Variants in CACNA1C observed in about 807,000 individuals in gnomAD.
The protein encoded by CACNA1C is calcium voltage-gated channel subunit alpha1 C, also known as voltage-dependent L-type calcium channel subunit alpha-1C.
CACNA1C carries 30 observed loss-of-function variants against 229.0 expected under a neutral mutation model. The ratio of observed to expected loss-of-function variants is 0.13; its 90% confidence interval spans 0.10 to 0.18. The LOEUF is 0.18. Among genes scored for constraint, CACNA1C ranks in the 10% least tolerant of loss-of-function variants. The pLI, the probability that CACNA1C is intolerant of heterozygous loss-of-function variation, is 1.00. For synonymous variants in CACNA1C, 1,114 were observed against 1,132.5 expected (o/e 0.98, Z 0.33); for missense variants, 1,658 against 2,845.0 (o/e 0.58, Z 9.49).
Position 2,362,649 on chromosome 12 carries a change from G to T in CACNA1C, c.478-86327G>T, listed in dbSNP as rs1338083830. 2.0e-5 allele frequency among the ~76,000 whole-genome samples: 3 copies of T among 152,350 alleles called. No individual in the cohort carries two copies. In the East Asian group the frequency reaches 5.8e-4, roughly 29 times the overall value. Reference sequence around the variant, plus strand: ...TCGTTCCTTTAGTGTGGAAGGCACAGTAGGCACTCAGTGTTTTGATGGAGA... The same window carrying T: ...TCGTTCCTTTAGTGTGGAAGGCACATTAGGCACTCAGTGTTTTGATGGAGA... On this transcript the variant is annotated intron_variant, in intron 3 of 46. Transcript: ENST00000399655.
chr12:2,007,767 C>T (rs1487261291), intron 1 of CACNA1C, among the ~76,000 whole-genome samples: 1 of 152,118 alleles, frequency 6.6e-6, no homozygotes, highest in Non-Finnish European at 1.5e-5. Context: ...ATCTCTGTAC[C>T]TTTGCCCATC....
At chr12:2,463,004 C>T (rs1198613507) in intron 5 of CACNA1C, among the ~76,000 whole-genome samples, 3 of 149,018 alleles carry the variant, frequency 2.0e-5, no homozygotes, top group Non-Finnish European at 1.5e-5. Flanking sequence ...GCTCCGCCTC[C>T]TGGGTTCACG....
At chr12:2,458,522 T>G (rs1270159855) in intron 5 of CACNA1C, among the ~76,000 whole-genome samples, 2 of 152,248 alleles carry the variant, frequency 1.3e-5, no homozygotes, top group African/African-American at 4.8e-5. Context: ...TTGTGGTATC[T>G]GAGAACAATT....
chr12:2,671,302 C>T (rs1403838696), intron 38 of CACNA1C, among the ~76,000 whole-genome samples: 7 of 152,166 alleles, frequency 4.6e-5, no homozygotes, highest in African/African-American at 1.2e-4. Context: ...CATGAGCCAC[C>T]GCGCCCGGCC....
chr12:2,357,824 A>G (rs999148595), intron 3 of CACNA1C, among the ~76,000 whole-genome samples: 2 of 151,988 alleles, frequency 1.3e-5, no homozygotes, highest in African/African-American at 4.8e-5. Flanking sequence ...TACAAAAATT[A>G]GCCAGGCATG....
rs2091921402 is a variant in CACNA1C, at chr12:2,130,401, C to T, written c.477+9971C>T. 2.1e-5 allele frequency among the ~76,000 whole-genome samples: 3 copies of T among 140,298 alleles called. No homozygotes were observed. In the South Asian group the frequency reaches 7.2e-4, roughly 34 times the overall value. The allele number at this position is 140,298 out of a possible 152,430, so 92.0% of individuals were successfully genotyped here. ...ATGTGCCATGCTGGTGCGCTGCACC[C>T]ACTAACTCATCATCTAGCATTAGGT... On this transcript the variant is annotated intron_variant, in intron 3 of 46. Coordinates refer to ENST00000399655, the MANE Select transcript of CACNA1C (RefSeq NM_000719.7).
At chr12:2,188,065 A>T (rs2097099239) in intron 3 of CACNA1C, among the ~76,000 whole-genome samples, 1 of 152,204 alleles carries the variant, frequency 6.6e-6, no homozygotes, top group Admixed American at 6.5e-5. Flanking sequence ...TTCACTAGGA[A>T]TTAAAAACAC....
intron 1 of CACNA1C, chr12:2,020,260 A>C (rs934010860): frequency 1.3e-5 from 2 of 152,174 alleles, no homozygotes; most frequent in African/African-American, 4.8e-5. Flanking sequence ...ACCTCAGAAA[A>C]ACTCTATAAA....
At chr12:2,163,999 C>T (rs1485752770) in intron 3 of CACNA1C, among the ~76,000 whole-genome samples, 1 of 152,156 alleles carries the variant, frequency 6.6e-6, no homozygotes, top group Non-Finnish European at 1.5e-5. Flanking sequence ...GAAAACCAAG[C>T]TGCCCGCCAC....
At chr12:2,056,074 A>G (rs148578489) in intron 1 of CACNA1C, among the ~76,000 whole-genome samples, 9 of 152,296 alleles carry the variant, frequency 5.9e-5, no homozygotes, top group African/African-American at 2.2e-4. Context: ...CGAGAACCAA[A>G]AAAGTTGTCA....
Position 2,418,926 on chromosome 12 carries a change from C to T in CACNA1C, c.478-30050C>T, listed in dbSNP as rs570973959. 2.2e-4 allele frequency among the ~76,000 whole-genome samples: 33 copies of T among 152,274 alleles called. 1 individual carries two copies. The highest frequency in any genetic ancestry group is 7.9e-4 in the African/African-American group (33 of 41,546). On this transcript the variant is annotated intron_variant, in intron 3 of 46. Transcript: ENST00000399655. ...CTGGAGTCACAGAGCCCCTTATGGTCTGTTGGAAGTTACAGACCCCTATGG... is the reference window on the plus strand; with the variant it reads ...CTGGAGTCACAGAGCCCCTTATGGTTTGTTGGAAGTTACAGACCCCTATGG...
intron 3 of CACNA1C, among the ~76,000 whole-genome samples, chr12:2,293,201 T>G (rs2093683705): frequency 6.6e-6 from 1 of 152,214 alleles, no homozygotes; most frequent in Non-Finnish European, 1.5e-5. Flanking sequence ...AAATCTCCTC[T>G]GAAGACCAAA....
At chr12:2,662,564 A>G (rs1603419189) in intron 34 of CACNA1C, among the ~76,000 whole-genome samples, 1 of 152,242 alleles carries the variant, frequency 6.6e-6, no homozygotes, top group South Asian at 2.1e-4. Flanking sequence ...AGGATTCTGC[A>G]AATGAATTGA....
chr12:2,499,430 G>A (rs1042718456), intron 7 of CACNA1C, among the ~76,000 whole-genome samples: 3 of 152,182 alleles, frequency 2.0e-5, no homozygotes, highest in Non-Finnish European at 4.4e-5. Flanking sequence ...TTGAGAACCC[G>A]TGGAAGTCTG....
At chr12:2,351,550 C>A (rs2097202662) in intron 3 of CACNA1C, among the ~76,000 whole-genome samples, 1 of 152,216 alleles carries the variant, frequency 6.6e-6, no homozygotes, top group South Asian at 2.1e-4. Context: ...TTCCTCTCCT[C>A]AAGGGTGGCT....
intron 9 of CACNA1C, among the ~76,000 whole-genome samples, chr12:2,521,535 C>T (rs992164323): frequency 3.3e-5 from 5 of 152,150 alleles, no homozygotes; most frequent in South Asian, 4.1e-4. Flanking sequence ...TCTGCCTGCC[C>T]GCCAGGGTCC....
intron 5 of CACNA1C, among the ~76,000 whole-genome samples, chr12:2,484,194 G>A (rs919693689): frequency 6.6e-6 from 1 of 152,178 alleles, no homozygotes; most frequent in African/African-American, 2.4e-5. Flanking sequence ...TAAAGGAAAC[G>A]TTTCTGGTCT....
chr12:2,000,330 T>A (rs1332426229), intron 1 of CACNA1C, among the ~76,000 whole-genome samples: 1 of 152,240 alleles, frequency 6.6e-6, no homozygotes, highest in Non-Finnish European at 1.5e-5. Flanking sequence ...ACTCTCCTGG[T>A]CTTCCAGTAT....
At chr12:2,565,279 T>C (rs529171852) in intron 11 of CACNA1C, among the ~76,000 whole-genome samples, 19 of 151,162 alleles carry the variant, frequency 1.3e-4, no homozygotes, top group Non-Finnish European at 2.1e-4. Flanking sequence ...CCATCCTGGC[T>C]AACAAGGTGA....
Sources: gnomAD v4.1 joint callset for allele counts (sites outside exome capture counted in the v4.1 genomes callset) on GRCh38, gnomAD v4.1.1 for gene constraint, MANE v1.5 for transcripts, NCBI Gene and HGNC (gene_info 2026-07-23, HGNC 2026-07-21) for gene names.